Variants in WDR64 observed in about 807,000 individuals in gnomAD.
WDR64 encodes the protein WD repeat-containing protein 64.
In WDR64, 112 loss-of-function variants were observed where a neutral mutation model predicts 139.3. The observed-to-expected ratio is 0.80, with a 90% CI of 0.69 to 0.94. WDR64 has a LOEUF of 0.94. Ranked by LOEUF, WDR64 falls within the 40% of genes least tolerant of loss-of-function variation. WDR64 has a pLI of 0.00. For synonymous variants in WDR64, 444 were observed against 437.7 expected (o/e 1.01, Z -0.18); for missense variants, 1,206 against 1,293.1 (o/e 0.93, Z 1.03).
rs1371662654 is a variant in WDR64, at chr1:241,747,277, T to C, written c.1595-2270T>C. On this transcript the variant is annotated intron_variant, in intron 13 of 27. Coordinates refer to ENST00000437684, the MANE Select transcript of WDR64 (RefSeq NM_001367482.1). ...GTAAAATTGTGAAGAACTAAACGCA[T>C]ACACACACGAGTGCACGTAAAAAAC... 2.6e-5 allele frequency among the ~76,000 whole-genome samples: 4 copies of C among 152,272 alleles called. No homozygotes were observed. The East Asian group carries it at 7.7e-4, about 29-fold the overall frequency.
At chr1:241,736,358 C>A (rs966136045) in intron 10 of WDR64, among the ~76,000 whole-genome samples, 9 of 144,774 alleles carry the variant, frequency 6.2e-5, no homozygotes, top group Non-Finnish European at 1.3e-4. Flanking sequence ...TTCATCAAAG[C>A]AAAAACTTTT....
Position 241,687,470 on chromosome 1 carries a change from G to A in WDR64, c.849G>A (p.Arg283=), listed in dbSNP as rs1667051442. 1.2e-6 allele frequency: 2 copies of A among 1,613,898 alleles called. No individual in the cohort carries two copies. Among genetic ancestry groups the A allele is most frequent in the Non-Finnish European group, 1.7e-6 (2 of 1,179,924 alleles). ...TTTTCTTAATCCCCAGTGTTAAAAG[G>A]AAGCTACATAATGACTGGGTTATGA... ...LDSKNFKSVK[R]KLHNDWVMKI... Residue 283 remains arginine (R), a synonymous_variant, in exon 8 of 28, where the codon AGG becomes AGA. Transcript: ENST00000437684.
chr1:241,703,268 T>A lies in WDR64; in HGVS notation c.975-8534T>A, dbSNP rs1400942928. Among the ~76,000 whole-genome samples the A allele has an allele frequency of 6.6e-6, 1 of 152,112 alleles. No homozygotes were observed. Among genetic ancestry groups the A allele is most frequent in the Non-Finnish European group, 1.5e-5 (1 of 68,028 alleles). On this transcript the variant is annotated intron_variant, in intron 8 of 27. Transcript: ENST00000437684. This position sits in a 1 kb window ranked among gnomAD's most constrained non-coding sequence, Gnocchi z 5.9. ...GATGCTTCCCGTCTGCAGCATTGCC[T>A]TCCATTCAGTGAACAACCCCTATCG...
intron 10 of WDR64, among the ~76,000 whole-genome samples, chr1:241,730,138 T>C (rs1669021841): frequency 6.6e-6 from 1 of 152,204 alleles, no homozygotes; most frequent in Non-Finnish European, 1.5e-5. Context: ...GGGCACATGC[T>C]TTGGAATTCA....
At chr1:241,763,297 T>C (rs182519100) in intron 15 of WDR64, among the ~76,000 whole-genome samples, 2 of 152,376 alleles carry the variant, frequency 1.3e-5, no homozygotes, top group Admixed American at 6.5e-5. Context: ...AAGTGCCTTG[T>C]AGGCTTTTAA....
chr1:241,771,945 C>T (rs200844483), intron 19 of WDR64, among the ~76,000 whole-genome samples: 1,489 of 61,172 alleles, frequency 0.024, 15 homozygotes, highest in African/African-American at 0.051. Context: ...TACATACATA[C>T]ATATATATAT....
At chr1:241,670,863 G>C (rs1436957929) in intron 2 of WDR64, among the ~76,000 whole-genome samples, 2 of 152,208 alleles carry the variant, frequency 1.3e-5, no homozygotes, top group Non-Finnish European at 2.9e-5. Context: ...CGTGGAAAAA[G>C]TGTCTTCCAT....
chr1:241,708,503 A>G (rs1574029307), intron 8 of WDR64, among the ~76,000 whole-genome samples: 2 of 152,126 alleles, frequency 1.3e-5, no homozygotes, highest in Non-Finnish European at 1.5e-5. Flanking sequence ...TACTAGAGAC[A>G]GGGTTTCACC....
At chr1:241,764,088 A>G (rs562968200) in intron 15 of WDR64, among the ~76,000 whole-genome samples, 2 of 152,318 alleles carry the variant, frequency 1.3e-5, no homozygotes, top group South Asian at 4.1e-4. Context: ...AAGGATAACT[A>G]CAAGTATCTC....
intron 15 of WDR64, among the ~76,000 whole-genome samples, chr1:241,763,860 A>G (rs970253067): frequency 6.6e-6 from 1 of 152,214 alleles, no homozygotes; most frequent in Admixed American, 6.5e-5. Context: ...TTAATGAGGT[A>G]TAGTACCTGC....
chr1:241,800,267 TG>T (rs1317995815), intron 27 of WDR64, among the ~76,000 whole-genome samples: 1 of 152,180 alleles, frequency 6.6e-6, no homozygotes, highest in East Asian at 1.9e-4. Context: ...GATCCGTAAG[TG>T]GTTGAATCTT....
intron 15 of WDR64, among the ~76,000 whole-genome samples, 166 bp downstream of exon 15, chr1:241,757,625 A>G (rs1047935584): frequency 6.8e-5 from 10 of 146,066 alleles, no homozygotes; most frequent in Admixed American, 1.4e-4. Flanking sequence ...CCACCTCTTC[A>G]CCACGACCAC....
chr1:241,668,976 T>G (rs926444844), intron 2 of WDR64, among the ~76,000 whole-genome samples: 1 of 152,142 alleles, frequency 6.6e-6, no homozygotes, highest in African/African-American at 2.4e-5. Context: ...TATCATTTAT[T>G]TTTCTCTCCC....
intron 8 of WDR64, 55 bp downstream of exon 8, chr1:241,687,650 A>G: frequency 3.3e-6 from 5 of 1,521,306 alleles, no homozygotes; most frequent in East Asian, 2.3e-5. Context: ...GCTTTTTACA[A>G]TGATAAAACC....
At chr1:241,726,005 G>A (rs959635681) in intron 10 of WDR64, among the ~76,000 whole-genome samples, 1 of 151,610 alleles carries the variant, frequency 6.6e-6, no homozygotes, top group Non-Finnish European at 1.5e-5. Flanking sequence ...GGGGGCCACC[G>A]TACGAAGCTA....
intron 10 of WDR64, among the ~76,000 whole-genome samples, chr1:241,731,281 G>A (rs1049928781): frequency 1.3e-5 from 2 of 152,016 alleles, no homozygotes; most frequent in African/African-American, 4.8e-5. Flanking sequence ...GGCTGAAGCG[G>A]GAGGATCACT....
intron 8 of WDR64, among the ~76,000 whole-genome samples, chr1:241,694,918 T>C (rs975327910): frequency 6.6e-6 from 1 of 152,188 alleles, no homozygotes; most frequent in Non-Finnish European, 1.5e-5. Flanking sequence ...AATACAAATA[T>C]ATCTAAGCCA....
intron 1 of WDR64, among the ~76,000 whole-genome samples, chr1:241,660,021 T>C (rs1665761224): frequency 6.6e-6 from 1 of 152,218 alleles, no homozygotes; most frequent in South Asian, 2.1e-4. Context: ...GATTTTCTTC[T>C]AGAGTTTTTA....
chr1:241,789,226 CATGTT>C (rs1241574385), intron 24 of WDR64, among the ~76,000 whole-genome samples: 1 of 152,092 alleles, frequency 6.6e-6, no homozygotes, highest in Non-Finnish European at 1.5e-5. Flanking sequence ...GACACGTGCT[CATGTT>C]ATGTTGTTAT....
Sources: gnomAD v4.1 joint callset for allele counts (sites outside exome capture counted in the v4.1 genomes callset) on GRCh38, gnomAD v4.1.1 for gene constraint, Gnocchi (gnomAD v3.1) non-coding constraint, MANE v1.5 for transcripts, NCBI Gene and HGNC (gene_info 2026-07-23, HGNC 2026-07-21) for gene names.